Variants in IGSF8 observed in about 807,000 individuals in gnomAD.
IGSF8 encodes the protein immunoglobulin superfamily member 8.
A neutral mutation model predicts 55.5 loss-of-function variants in IGSF8; 46 were observed. The ratio of observed to expected loss-of-function variants is 0.83; its 90% CI spans 0.65 to 1.06. IGSF8 has a LOEUF of 1.06. IGSF8 is among the 50% of genes least tolerant of loss of function. IGSF8 has a pLI of 0.00. For missense variants in IGSF8, 731 were observed against 832.3 expected, an observed-to-expected ratio of 0.88 and a Z score of 1.50; for synonymous variants, 314 against 356.1, an observed-to-expected ratio of 0.88 and a Z score of 1.33.
At chr1:160,098,324 TG>T (rs1557993769) in intron 1 of IGSF8, 84 bp downstream of exon 1, 1 of 1,505,952 alleles carries the variant, frequency 6.6e-7, no homozygotes, top group African/African-American at 1.4e-5. Context: ...GAGGAGGATG[TG>T]AGGAGCCCCG....
rs113415920 is a variant in IGSF8 at position 160,097,618 on chromosome 1, G to A, written c.64+791C>T. ...TCTTCCCCAGACCACCTCCTACAGG[G>A]AGCCCTCCAGTTCAGGCCAAAAACA... On this transcript the variant is annotated intron_variant, in intron 1 of 6. Coordinates refer to ENST00000314485, the MANE Select transcript of IGSF8 (RefSeq NM_052868.6). The A allele has an allele frequency of 5.4e-3, 4,951 of 910,408 alleles. 210 individuals are homozygous for A. The African/African-American group carries it at 0.079, about 15-fold the overall frequency. 56.4% of individuals were successfully genotyped at this position (910,408 alleles called of 1,614,324 possible).
chr1:160,095,464 T>C (rs2101964508), intron 1 of IGSF8: 2 of 584,792 alleles, frequency 3.4e-6, no homozygotes, highest in East Asian at 5.6e-5. Context: ...TGCCTTGGCA[T>C]CCAGATGCAT....
chr1:160,095,405 C>T (rs1650365301), intron 1 of IGSF8, 159 bp from the exon 2 acceptor site: 1 of 746,166 alleles, frequency 1.3e-6, no homozygotes, highest in African/African-American at 1.8e-5. Flanking sequence ...GAAAGGGATG[C>T]TGTGATATAA....
intron 3 of IGSF8, 81 bp downstream of exon 3, chr1:160,093,629 C>G: frequency 8.7e-7 from 1 of 1,143,878 alleles, no homozygotes; most frequent in Admixed American, 2.5e-5. Context: ...TGATGGCTAT[C>G]TGGTACCCCC....
chr1:160,093,744 C>T lies in IGSF8; in HGVS notation c.870G>A (p.Arg290=). 6.2e-7 allele frequency: 1 copy of T among 1,612,912 alleles called. No individual in the cohort carries two copies. Among genetic ancestry groups the T allele is most frequent in the Middle Eastern group, 1.6e-4 (1 of 6,062 alleles). ...GCACATCCACGTGGGCCAGGACGGCCCTTTTCTCTGCAATCTGGGCCCAGC... is the reference window on the plus strand; with the variant it reads ...GCACATCCACGTGGGCCAGGACGGCTCTTTTCTCTGCAATCTGGGCCCAGC... The part of the protein sequence containing the change: ...DGSWAQIAEK[R]AVLAHVDVQT... The change falls in exon 3 of 7, where the codon AGG becomes AGA. Residue 290 remains arginine (R), a synonymous_variant. Transcript: ENST00000314485.
rs908148272 is a variant in IGSF8, at chr1:160,092,714, G to A, written c.1313-19C>T. ...ACCACACCTGCAGAACAAAGGACAT[G>A]GGGTCAGAGGGTGCAGGGCCAGGGA... On this transcript the variant is annotated intron_variant, in intron 4 of 6. Transcript: ENST00000314485. 1.3e-6 allele frequency: 2 copies of A among 1,597,996 alleles called. No homozygotes were observed. Among genetic ancestry groups the A allele is most frequent in the Non-Finnish European group, 8.5e-7 (1 of 1,178,862 alleles).
chr1:160,098,561 C>A lies in IGSF8; in HGVS notation c.-89G>T. 1 of 902,628 alleles carries A rather than the reference C, an allele frequency of 1.1e-6. No individual in the cohort carries two copies. The highest frequency in any genetic ancestry group is 1.6e-6 in the Non-Finnish European group (1 of 606,466). The allele number at this position is 902,628 out of a possible 1,614,324, so 55.9% of individuals were successfully genotyped here. ...GGGGGGCGCATGCCCAGGTTGAGGG[C>A]AGGAAGCGGGGCAGCGAGGCGTGGG... On this transcript the variant is annotated 5_prime_UTR_variant, in exon 1 of 7. Transcript: ENST00000314485.
chr1:160,094,578 A>G lies in IGSF8; in HGVS notation c.442+291T>C, dbSNP rs1358118352. ...AGGAGTAGAGGCTATTCAACCCAAC[A>G]GTCTTCTTCGTTCTTGGGAATGGAA... is the stretch of plus-strand genomic sequence containing the variant. On this transcript the variant is annotated intron_variant, in intron 2 of 6. Coordinates refer to ENST00000314485, the MANE Select transcript of IGSF8 (RefSeq NM_052868.6). The surrounding 1 kb of genome is among the most constrained non-coding windows in gnomAD (Gnocchi z 4.0). Among the ~76,000 whole-genome samples the G allele has an allele frequency of 6.6e-6, 1 of 152,054 alleles. No homozygotes were observed. The highest frequency in any genetic ancestry group is 1.5e-5 in the Non-Finnish European group (1 of 68,018).
At chr1:160,091,658 C>T (rs1251695035) in intron 6 of IGSF8, 50 bp from the exon 7 acceptor site, 3 of 623,870 alleles carry the variant, frequency 4.8e-6, no homozygotes, top group African/African-American at 3.7e-5. Context: ...CTGAGTGGGG[C>T]TCCCTCGCGG....
Position 160,098,414 on chromosome 1 carries a change from A to G in IGSF8, c.59T>C (p.Met20Thr). The change falls in exon 1 of 7, where the codon ATG (methionine) becomes ACG (threonine). Residue 20 changes from methionine to threonine, a missense_variant. Transcript: ENST00000314485. ...GGAACGGGGGCCTGGCTTACCTAGC[A>G]TTAGCAGCAGCAGCAGCGGCAGCGA... ...PPSLPLLLLL[M>T]LGMGCWAREV... The G allele has an allele frequency of 6.4e-7, 1 of 1,550,952 alleles. No homozygotes were observed. Among genetic ancestry groups the G allele is most frequent in the South Asian group, 1.2e-5 (1 of 84,122 alleles).
rs1449616639 is a variant in IGSF8, at chr1:160,094,080, C to T, written c.534G>A (p.Glu178=). ...GGCAGCCCAGTGCCAGCTCCTGCCC[C>T]TCATGCACCGTCATGCGTGGGGGTG... The part of the protein sequence containing the change: ...PTSPPRMTVH[E]GQELALGCLA... The change falls in exon 3 of 7, where the codon GAG becomes GAA. Residue 178 remains glutamate, a synonymous_variant. Coordinates refer to ENST00000314485, the MANE Select transcript of IGSF8 (RefSeq NM_052868.6). This position sits in a 1 kb window ranked among gnomAD's most constrained non-coding sequence, Gnocchi z 4.0. 2 of 1,612,960 alleles carry T rather than the reference C, an allele frequency of 1.2e-6. No homozygotes were observed. Among genetic ancestry groups the T allele is most frequent in the Admixed American group, 1.7e-5 (1 of 60,020 alleles).
At chr1:160,098,628 T>G, upstream of IGSF8, 2 of 556,950 alleles carry the variant, frequency 3.6e-6, no homozygotes, top group Non-Finnish European at 6.3e-6. Flanking sequence ...ATCCCCTCCC[T>G]CCGCCCCTCC....
chr1:160,092,468 C>T lies in IGSF8; in HGVS notation c.1540G>A (p.Gly514Arg). Residue 514 changes from glycine (G) to arginine (R), a missense_variant, in exon 5 of 7, where the codon GGA becomes AGA. Gly to Arg is a moderately radical substitution (Grantham distance 125). Coordinates refer to ENST00000314485, the MANE Select transcript of IGSF8 (RefSeq NM_052868.6). ...ACCAGCTCTACGCTGACAGGGCCTC[C>T]TCCAGGCCGGACTCCCAGCTCTGCC... ...GVAELGVRPG[G>R]GPVSVELVGP... The T allele has an allele frequency of 6.2e-7, 1 of 1,613,320 alleles. No individual in the cohort carries two copies.
At chr1:160,097,553 C>T (rs1443167806) in intron 1 of IGSF8, among the ~76,000 whole-genome samples, 3 of 152,182 alleles carry the variant, frequency 2.0e-5, no homozygotes, top group Non-Finnish European at 2.9e-5. Context: ...TCAGCCTCAT[C>T]AACATCTGTA....
chr1:160,092,813 A>G, intron 4 of IGSF8, 111 bp downstream of exon 4: 1 of 1,484,818 alleles, frequency 6.7e-7, no homozygotes, highest in Non-Finnish European at 9.1e-7. Flanking sequence ...GTAGAAGAGG[A>G]GCGTGAGGCT....
At chr1:160,092,093 C>A (rs1649998022) in intron 5 of IGSF8, among the ~76,000 whole-genome samples, 155 bp from the exon 6 acceptor site, 1 of 152,208 alleles carries the variant, frequency 6.6e-6, no homozygotes, top group Non-Finnish European at 1.5e-5. Flanking sequence ...GCATGCAAGT[C>A]AGCATCAACC....
intron 3 of IGSF8, 43 bp downstream of exon 3, chr1:160,093,667 G>A (rs1650182084): frequency 6.6e-7 from 1 of 1,507,740 alleles, no homozygotes; most frequent in Non-Finnish European, 9.0e-7. Flanking sequence ...CCAGGATACT[G>A]TCCCTCCCAG....
At chr1:160,099,138 C>G (rs578151114), upstream of IGSF8, among the ~76,000 whole-genome samples, 20 of 151,814 alleles carry the variant, frequency 1.3e-4, no homozygotes, top group East Asian at 2.9e-3. Context: ...CCCGAGGCCC[C>G]CGCAGGAGTG....
chr1:160,093,336 AAC>A lies in IGSF8; in HGVS notation c.905-7_905-6del, dbSNP rs1650149827. 6.3e-7 allele frequency: 1 copy of A among 1,577,638 alleles called. No individual in the cohort carries two copies. Among genetic ancestry groups the A allele is most frequent in the Non-Finnish European group, 8.7e-7 (1 of 1,154,408 alleles). ...CTGTCACTGCCAGCTGGCTGGCTGAAACACAGGTAGGGGAAGAGGTGTCATGG... is the reference window on the plus strand; with the variant it reads ...CTGTCACTGCCAGCTGGCTGGCTGAAACAGGTAGGGGAAGAGGTGTCATGG... On this transcript the variant is annotated splice_region_variant and splice_polypyrimidine_tract_variant and intron_variant, in intron 3 of 6. Transcript: ENST00000314485.
Sources: allele counts gnomAD v4.1 joint callset (sites outside exome capture counted in the v4.1 genomes callset), GRCh38; gene constraint gnomAD v4.1.1; non-coding constraint Gnocchi (gnomAD v3.1); transcripts MANE v1.5; gene names NCBI Gene and HGNC (gene_info 2026-07-23, HGNC 2026-07-21).